ZZEF1: variants seen among roughly 807,000 people sequenced by gnomAD.
The protein encoded by ZZEF1 is zinc finger ZZ-type and EF-hand domain-containing protein 1.
ZZEF1 carries 157 observed loss-of-function variants against 342.8 expected under a neutral mutation model. The observed-to-expected ratio is 0.46, with a 90% CI of 0.40 to 0.52. The LOEUF (loss-of-function observed/expected upper bound fraction) is 0.52. ZZEF1 is among the 20% of genes least tolerant of loss of function. ZZEF1 has a pLI of 0.00. For missense variants in ZZEF1, 3,480 were observed against 3,725.6 expected, an observed-to-expected ratio of 0.93 and a Z score of 1.72; for synonymous variants, 1,505 against 1,429.1, an observed-to-expected ratio of 1.05 and a Z score of -1.20.
intron 11 of ZZEF1, among the ~76,000 whole-genome samples, chr17:4,094,343 G>GTC (rs1567836238): frequency 6.6e-6 from 1 of 151,788 alleles, no homozygotes; most frequent in African/African-American, 2.4e-5. Context: ...AGAGATGGGG[G>GTC]TCTCACTATG....
At chr17:4,134,925 C>G (rs965514) in intron 1 of ZZEF1, among the ~76,000 whole-genome samples, 139,827 of 152,142 alleles carry the variant, frequency 0.92, 65,430 homozygotes, top group East Asian at 1. Flanking sequence ...AGGAGACAGA[C>G]TGTCAGCATA....
At position 4,009,598 on chromosome 17, in the gene ZZEF1, C is replaced by T. The variant is rs752351665; in HGVS notation, c.8733+6G>A. 3.0e-5 allele frequency: 48 copies of T among 1,612,692 alleles called. No homozygotes were observed. Among genetic ancestry groups the T allele is most frequent in the Non-Finnish European group, 3.9e-5 (46 of 1,179,960 alleles). ...CCGGGCTCCCTGCCCAGACCTCAGG[C>T]CTCACCTGGGCACGGTTCTCGGTGA... is the stretch of plus-strand genomic sequence containing the variant. On this transcript the variant is annotated splice_donor_region_variant and intron_variant, in intron 53 of 54. Transcript: ENST00000381638.
At position 4,034,111 on chromosome 17, in the gene ZZEF1, T is replaced by C. The variant is rs868756094; in HGVS notation, c.6488A>G (p.Lys2163Arg). Residue 2163 changes from lysine (K) to arginine (R), a missense_variant, in exon 40 of 55, where the codon AAA becomes AGA. Transcript: ENST00000381638. ...DAAVIKVLSA[K>R]HNLFAAGDSS... Reference sequence around the variant, plus strand: ...GTCCCCTGCAGCAAACAGGTTGTGTTTGGCTGAGAGGACTTTGATCACTGC... The same window carrying C: ...GTCCCCTGCAGCAAACAGGTTGTGTCTGGCTGAGAGGACTTTGATCACTGC... The C allele has an allele frequency of 6.2e-7, 1 of 1,614,172 alleles. No homozygotes were observed. Among genetic ancestry groups the C allele is most frequent in the South Asian group, 1.1e-5 (1 of 91,078 alleles).
chr17:4,104,887 G>T (rs1315871896), intron 7 of ZZEF1, 76 bp from the exon 8 acceptor site: 2 of 1,293,308 alleles, frequency 1.5e-6, no homozygotes, highest in African/African-American at 1.5e-5. Flanking sequence ...CCATGTAAGT[G>T]ATCAACACAA....
chr17:4,040,734 C>G (rs961804930), intron 39 of ZZEF1, among the ~76,000 whole-genome samples: 1 of 152,072 alleles, frequency 6.6e-6, no homozygotes, highest in Non-Finnish European at 1.5e-5. Flanking sequence ...TGGGGACAGT[C>G]GGCTGGCACA....
intron 1 of ZZEF1, among the ~76,000 whole-genome samples, chr17:4,124,727 GGATT>G (rs1392826779): frequency 6.6e-6 from 1 of 151,706 alleles, no homozygotes; most frequent in Non-Finnish European, 1.5e-5. Context: ...CAAAGTGCTG[GGATT>G]ACAGGTGTGG....
intron 46 of ZZEF1, among the ~76,000 whole-genome samples, chr17:4,019,265 T>C (rs1271228948): frequency 6.6e-6 from 1 of 152,152 alleles, no homozygotes; most frequent in East Asian, 1.9e-4. Flanking sequence ...ATTAAAAAGT[T>C]GGGCCCAAAA....
At chr17:4,080,898 G>A (rs1444744834) in intron 18 of ZZEF1, among the ~76,000 whole-genome samples, 1 of 152,110 alleles carries the variant, frequency 6.6e-6, no homozygotes, top group African/African-American at 2.4e-5. Context: ...CGTTTGCAAG[G>A]GCTGGCTGGG....
At chr17:4,127,563 T>C (rs1457930208) in intron 1 of ZZEF1, among the ~76,000 whole-genome samples, 1 of 149,710 alleles carries the variant, frequency 6.7e-6, no homozygotes, top group East Asian at 1.9e-4. Flanking sequence ...TATTTCTACT[T>C]TCTTATGTTT....
chr17:4,095,918 T>C lies in ZZEF1; in HGVS notation c.1826A>G (p.Asp609Gly), dbSNP rs753310869. ...GAAGTGTTCTTCCGCACAAAATTTA[T>C]CTGAAGATGAGTTATAGGCAAACAC... is the stretch of plus-strand genomic sequence containing the variant. The part of the protein sequence containing the change: ...GLVFAYNSSS[D>G]KFCAEEHFKR... The change falls in exon 11 of 55, where the codon GAT (aspartate) becomes GGT (glycine). Residue 609 changes from aspartate (D) to glycine (G), a missense_variant. By Grantham distance (94) the Asp-to-Gly change is moderately conservative. This residue lies in a region of ZZEF1 where 1,528 missense variants were observed against 1,624.1 expected (regional missense o/e 0.94). Coordinates refer to ENST00000381638, the MANE Select transcript of ZZEF1 (RefSeq NM_015113.4). 6 of 1,613,932 alleles carry C rather than the reference T, an allele frequency of 3.7e-6. No individual in the cohort carries two copies. The highest frequency in any genetic ancestry group is 5.1e-6 in the Non-Finnish European group (6 of 1,179,872).
intron 9 of ZZEF1, among the ~76,000 whole-genome samples, chr17:4,100,691 C>T (rs748412027): frequency 2.6e-5 from 4 of 151,990 alleles, no homozygotes; most frequent in Non-Finnish European, 5.9e-5. Context: ...AGAAATTAGC[C>T]GGGCGTGGTG....
At position 4,105,752 on chromosome 17, in the gene ZZEF1, T is replaced by A. The variant is rs781628967; in HGVS notation, c.1335A>T (p.Ser445=). ...CCAGCACATTAGGGGAGAGGAAAGT[T>A]GAGAAATCTGTAGATCCTGGTGAGA... ...LSLSPGSTDF[S]TFLSPNVLEE... is the part of the protein sequence containing the mutation. The change falls in exon 7 of 55, where the codon TCA becomes TCT. Residue 445 remains serine (S), a synonymous_variant. Transcript: ENST00000381638. 2 of 1,613,272 alleles carry A rather than the reference T, an allele frequency of 1.2e-6. No individual in the cohort carries two copies. The highest frequency in any genetic ancestry group is 1.7e-6 in the Non-Finnish European group (2 of 1,179,656).
intron 8 of ZZEF1, among the ~76,000 whole-genome samples, chr17:4,104,376 A>G (rs1354297511): frequency 6.6e-6 from 1 of 152,200 alleles, no homozygotes; most frequent in African/African-American, 2.4e-5. Context: ...CAAGCAGATC[A>G]TGGGAGTATA....
chr17:4,013,559 T>C lies in ZZEF1; in HGVS notation c.8469A>G (p.Pro2823=). ...CCAGCCATTCCCAAATTTTTGCCAA[T>C]GGGAGATGAGGCACGACCCTTTCTT... ...LSEERVVPHL[P]LAKIWEWLVG... The change falls in exon 52 of 55, where the codon CCA becomes CCG. Residue 2823 remains proline (P), a synonymous_variant. Transcript: ENST00000381638. The C allele has an allele frequency of 1.2e-6, 2 of 1,614,156 alleles. No individual in the cohort carries two copies. The highest frequency in any genetic ancestry group is 1.7e-6 in the Non-Finnish European group (2 of 1,179,990).
intron 6 of ZZEF1, 148 bp from the exon 7 acceptor site, chr17:4,105,957 T>C (rs2058205656): frequency 3.3e-6 from 2 of 613,378 alleles, no homozygotes; most frequent in Non-Finnish European, 5.4e-6. Flanking sequence ...AACTGGCCCT[T>C]CTTTTTTTTT....
intron 30 of ZZEF1, among the ~76,000 whole-genome samples, chr17:4,060,658 T>C (rs2057267932): frequency 7.7e-6 from 1 of 130,196 alleles, no homozygotes; most frequent in Admixed American, 8.9e-5. Context: ...ATGCCACCAC[T>C]ACCTCCTTCT....
At position 4,016,132 on chromosome 17, in the gene ZZEF1, C is replaced by G. The variant is rs1278581107; in HGVS notation, c.8145+191G>C. Among the ~76,000 whole-genome samples the G allele has an allele frequency of 6.6e-6, 1 of 152,172 alleles. No homozygotes were observed. Among genetic ancestry groups the G allele is most frequent in the African/African-American group, 2.4e-5 (1 of 41,440 alleles). Reference sequence around the variant, plus strand: ...AAAAGTCCGGAGAAGAGAAGACTTGCTTGTACAGAATCCCTGGCCTCAGGG... The same window carrying G: ...AAAAGTCCGGAGAAGAGAAGACTTGGTTGTACAGAATCCCTGGCCTCAGGG... On this transcript the variant is annotated intron_variant, in intron 49 of 54. Coordinates refer to ENST00000381638, the MANE Select transcript of ZZEF1 (RefSeq NM_015113.4). The surrounding 1 kb of genome is among the most constrained non-coding windows in gnomAD (Gnocchi z 4.4).
chr17:4,132,922 C>A (rs1027875610), intron 1 of ZZEF1, among the ~76,000 whole-genome samples: 2 of 151,960 alleles, frequency 1.3e-5, no homozygotes, highest in East Asian at 3.9e-4. Context: ...GCTGAGATCA[C>A]GCCACTGCAG....
chr17:4,048,657 G>C (rs2056977076), intron 37 of ZZEF1, among the ~76,000 whole-genome samples: 2 of 152,310 alleles, frequency 1.3e-5, no homozygotes, highest in South Asian at 4.1e-4. Context: ...CCTAACTGTT[G>C]ACTGAATATA....
Sources: allele counts gnomAD v4.1 joint callset (sites outside exome capture counted in the v4.1 genomes callset), GRCh38; gene constraint gnomAD v4.1.1; regional missense constraint gnomAD v4.1.1; non-coding constraint Gnocchi (gnomAD v3.1); transcripts MANE v1.5; gene names NCBI Gene and HGNC (gene_info 2026-07-23, HGNC 2026-07-21).